Variants in DACH1 observed in about 807,000 individuals in gnomAD.
DACH1 encodes dachshund homolog 1.
In DACH1, 12 loss-of-function variants were observed where a neutral mutation model predicts 54.2. The ratio of observed to expected loss-of-function variants is 0.22; its 90% CI spans 0.14 to 0.36. DACH1 has a LOEUF of 0.36. DACH1 is among the 10% of genes least tolerant of loss of function. The pLI is 1.00. For missense variants in DACH1, 805 were observed against 929.8 expected (o/e 0.87, Z 1.75); for synonymous variants, 386 against 366.2 (o/e 1.05, Z -0.62).
Position 71,705,965 on chromosome 13 carries a change from A to G in DACH1, c.849-24055T>C, listed in dbSNP as rs149556697. ...CCTTTTTCTTCTGTACCCTTGTACAATAGCATATATTTATTTTTCTTTTTA... is the reference window on the plus strand; with the variant it reads ...CCTTTTTCTTCTGTACCCTTGTACAGTAGCATATATTTATTTTTCTTTTTA... On this transcript the variant is annotated intron_variant, in intron 1 of 10. Coordinates refer to ENST00000613252, the MANE Select transcript of DACH1 (RefSeq NM_080759.6). Among the ~76,000 whole-genome samples, 43 of 152,154 alleles carry G rather than the reference A, an allele frequency of 2.8e-4. 1 individual carries two copies. In the East Asian group the frequency reaches 8.3e-3, roughly 29 times the overall value.
chr13:71,495,800 A>G (rs761399310), intron 6 of DACH1, among the ~76,000 whole-genome samples: 8 of 152,152 alleles, frequency 5.3e-5, no homozygotes, highest in Non-Finnish European at 1.2e-4. Flanking sequence ...CAGCAATACC[A>G]CTACTGGATA....
chr13:71,796,260 C>A (rs1300691823), intron 1 of DACH1, among the ~76,000 whole-genome samples: 2 of 151,980 alleles, frequency 1.3e-5, no homozygotes, highest in African/African-American at 4.8e-5. Context: ...TTAAAGGTTT[C>A]TTTAAAGAAA....
chr13:71,717,261 T>A (rs1883016822), intron 1 of DACH1, among the ~76,000 whole-genome samples: 1 of 152,214 alleles, frequency 6.6e-6, no homozygotes, highest in South Asian at 2.1e-4. Context: ...TATTAAGTCA[T>A]CATTGCCCTT....
chr13:71,714,311 C>T (rs753609309), intron 1 of DACH1, among the ~76,000 whole-genome samples: 35 of 151,724 alleles, frequency 2.3e-4, no homozygotes, highest in African/African-American at 5.6e-4. Context: ...ATTAACAGAA[C>T]GAAGAAACGG....
chr13:71,479,277 C>G lies in DACH1; in HGVS notation c.1762G>C (p.Glu588Gln). Residue 588 changes from glutamate (E) to glutamine (Q), a missense_variant, in exon 8 of 11, where the codon GAG becomes CAG. Coordinates refer to ENST00000613252, the MANE Select transcript of DACH1 (RefSeq NM_080759.6). ...GTTTTTTCCAGTTGGACCTGTTTCTCTTGAGCTCTGGCATTATCTATGGCA... is the reference window on the plus strand; with the variant it reads ...GTTTTTTCCAGTTGGACCTGTTTCTGTTGAGCTCTGGCATTATCTATGGCA... ...KVAIDNARAQ[E>Q]KQVQLEKTEL... The G allele has an allele frequency of 6.2e-7, 1 of 1,613,570 alleles. No individual in the cohort carries two copies. Among genetic ancestry groups the G allele is most frequent in the Non-Finnish European group, 8.5e-7 (1 of 1,179,792 alleles).
intron 3 of DACH1, among the ~76,000 whole-genome samples, chr13:71,598,325 G>A (rs1440157292): frequency 6.6e-6 from 1 of 152,060 alleles, no homozygotes; most frequent in Non-Finnish European, 1.5e-5. Context: ...CGCAATCTCA[G>A]CTCACTGCCA....
intron 6 of DACH1, among the ~76,000 whole-genome samples, chr13:71,507,349 A>G (rs1465898811): frequency 6.6e-6 from 1 of 152,194 alleles, no homozygotes; most frequent in Non-Finnish European, 1.5e-5. Flanking sequence ...GAATTTTAAT[A>G]TAGTGCCTCC....
rs1039079489 is a variant in DACH1, at chr13:71,803,813, C to T, written c.848+62109G>A. Among the ~76,000 whole-genome samples the T allele has an allele frequency of 5.9e-5, 9 of 152,124 alleles. No homozygotes were observed. The South Asian group carries it at 8.3e-4, about 14-fold the overall frequency. On this transcript the variant is annotated intron_variant, in intron 1 of 10. Transcript: ENST00000613252. Reference sequence around the variant, plus strand: ...TATCAATGTAATCTAGCAATGAAAACGGGCTGATATCTCAGCACCTTCTCT... The same window carrying T: ...TATCAATGTAATCTAGCAATGAAAATGGGCTGATATCTCAGCACCTTCTCT...
chr13:71,544,504 T>C (rs1389274029), intron 6 of DACH1, among the ~76,000 whole-genome samples: 3 of 151,994 alleles, frequency 2.0e-5, no homozygotes, highest in Admixed American at 6.6e-5. Context: ...ATAGAGAAAA[T>C]TGCTCACTTA....
chr13:71,641,969 C>T (rs1877938392), intron 2 of DACH1, among the ~76,000 whole-genome samples: 1 of 152,166 alleles, frequency 6.6e-6, no homozygotes, highest in Admixed American at 6.5e-5. Context: ...TTATTCACTT[C>T]TCTTTTTGCT....
chr13:71,471,908 G>C (rs1343111143), intron 10 of DACH1, among the ~76,000 whole-genome samples: 1 of 152,182 alleles, frequency 6.6e-6, no homozygotes, highest in East Asian at 1.9e-4. Context: ...GCATATATAT[G>C]TGTAGGGGCC....
chr13:71,749,849 A>G (rs1012312111), intron 1 of DACH1, among the ~76,000 whole-genome samples: 2 of 152,198 alleles, frequency 1.3e-5, no homozygotes, highest in African/African-American at 2.4e-5. Flanking sequence ...GAAAACAAGC[A>G]TCATGAGGGT....
chr13:71,527,051 T>C (rs1467957792), intron 6 of DACH1, among the ~76,000 whole-genome samples: 1 of 151,966 alleles, frequency 6.6e-6, no homozygotes, highest in Non-Finnish European at 1.5e-5. Flanking sequence ...AGTAAATGAT[T>C]ATCACATAAA....
intron 1 of DACH1, among the ~76,000 whole-genome samples, chr13:71,850,712 C>G (rs1302619176): frequency 3.9e-5 from 6 of 151,962 alleles, no homozygotes; most frequent in Non-Finnish European, 7.4e-5. Flanking sequence ...TACTTAAGCC[C>G]AGTTATATAA....
chr13:71,644,493 G>T (rs1878133680), intron 2 of DACH1, among the ~76,000 whole-genome samples: 2 of 152,076 alleles, frequency 1.3e-5, no homozygotes, highest in Admixed American at 6.6e-5. Context: ...TATAAATAAG[G>T]TAGATCCTCC....
chr13:71,507,161 A>G (rs1006437008), intron 6 of DACH1, among the ~76,000 whole-genome samples: 10 of 152,152 alleles, frequency 6.6e-5, no homozygotes, highest in Non-Finnish European at 1.3e-4. Context: ...TACTCATCTT[A>G]AGATTCTTAT....
chr13:71,827,072 G>T (rs944929585), intron 1 of DACH1, among the ~76,000 whole-genome samples: 8 of 152,140 alleles, frequency 5.3e-5, no homozygotes, highest in African/African-American at 1.9e-4. Flanking sequence ...GACTCACTTT[G>T]ATAATCTAAA....
chr13:71,575,419 C>CT (rs1305123926), intron 3 of DACH1, among the ~76,000 whole-genome samples: 1 of 151,890 alleles, frequency 6.6e-6, no homozygotes, highest in Non-Finnish European at 1.5e-5. Flanking sequence ...CTATAATCTA[C>CT]TTTTTTCTGT....
intron 6 of DACH1, among the ~76,000 whole-genome samples, chr13:71,554,042 C>A (rs181173018): frequency 6.6e-6 from 1 of 151,972 alleles, no homozygotes; most frequent in East Asian, 1.9e-4. Flanking sequence ...TTAATTTCTC[C>A]ACAAATATCT....
Sources: gnomAD v4.1 joint callset for allele counts (sites outside exome capture counted in the v4.1 genomes callset) on GRCh38, gnomAD v4.1.1 for gene constraint, MANE v1.5 for transcripts, NCBI Gene and HGNC (gene_info 2026-07-23, HGNC 2026-07-21) for gene names.